Variants in MOB3B observed in about 807,000 individuals in gnomAD.
MOB3B encodes the protein MOB kinase activator 3B.
MOB3B carries 7 observed loss-of-function variants against 18.7 expected under a neutral mutation model. That is an observed-to-expected ratio of 0.37 (90% CI 0.21 to 0.70). The LOEUF (loss-of-function observed/expected upper bound fraction) is 0.70. Among genes scored for constraint, MOB3B ranks in the 30% least tolerant of loss-of-function variants. MOB3B has a pLI of 0.52. For missense variants in MOB3B, 253 were observed against 281.3 expected (o/e 0.90, Z 0.72); for synonymous variants, 111 against 99.9 (o/e 1.11, Z -0.66).
At chr9:27,464,026 T>C (rs775148165) in intron 1 of MOB3B, among the ~76,000 whole-genome samples, 3 of 152,186 alleles carry the variant, frequency 2.0e-5, no homozygotes, top group Non-Finnish European at 4.4e-5. Flanking sequence ...GTAAGGTTAC[T>C]GTGAAAATTA....
chr9:27,403,873 G>A (rs563404137), intron 2 of MOB3B, among the ~76,000 whole-genome samples: 1 of 152,244 alleles, frequency 6.6e-6, no homozygotes, highest in South Asian at 2.1e-4. Flanking sequence ...AATGTGTAAT[G>A]ATCACATAAG....
At chr9:27,479,626 C>G (rs531803791) in intron 1 of MOB3B, among the ~76,000 whole-genome samples, 1 of 152,020 alleles carries the variant, frequency 6.6e-6, no homozygotes, top group Non-Finnish European at 1.5e-5. Flanking sequence ...TTTATAAACA[C>G]CCCTACTCAA....
At chr9:27,422,870 T>C (rs1822275388) in intron 2 of MOB3B, among the ~76,000 whole-genome samples, 1 of 152,240 alleles carries the variant, frequency 6.6e-6, no homozygotes, top group Admixed American at 6.5e-5. Context: ...GTTTTCTATG[T>C]CCTGAATCTA....
Position 27,510,551 on chromosome 9 carries a change from C to T in MOB3B, c.-199+19004G>A, listed in dbSNP as rs180860689. The stretch of plus-strand genomic sequence containing the variant: ...TATATTATAGGTTAGACCAGTTTAA[C>T]AGGTGCCTTGCTGCAAGATATTGTA... On this transcript the variant is annotated intron_variant, in intron 1 of 3. Coordinates refer to ENST00000262244, the MANE Select transcript of MOB3B (RefSeq NM_024761.5). Among the ~76,000 whole-genome samples, 280 of 152,280 alleles carry T rather than the reference C, an allele frequency of 1.8e-3. 1 individual carries two copies. Among genetic ancestry groups the T allele is most frequent in the African/African-American group, 6.5e-3 (272 of 41,540 alleles).
In MOB3B at chr9:27,362,610, C is replaced by T. The variant is rs140592788; in HGVS notation, c.419-3374G>A. Among the ~76,000 whole-genome samples, 731 of 152,156 alleles carry T rather than the reference C, an allele frequency of 4.8e-3. 19 individuals carry two copies. Among genetic ancestry groups the T allele is most frequent in the Non-Finnish European group, 2.0e-3 (137 of 68,010 alleles). On this transcript the variant is annotated intron_variant, in intron 2 of 3. Coordinates refer to ENST00000262244, the MANE Select transcript of MOB3B (RefSeq NM_024761.5). ...ATTCTTCAAAAGCAAAAGCTGCAAA[C>T]GGTTCAAGTTGAGACATGTTCAGCA...
intron 1 of MOB3B, among the ~76,000 whole-genome samples, chr9:27,487,157 T>TAAATAAATAAATA (rs1563880747): frequency 3.4e-5 from 5 of 146,708 alleles, no homozygotes; most frequent in East Asian, 2.0e-4. Flanking sequence ...ATAAATAAAA[T>TAAATAAATAAATA]AAATAAATAA....
At chr9:27,412,387 A>C (rs1379519381) in intron 2 of MOB3B, among the ~76,000 whole-genome samples, 1 of 152,108 alleles carries the variant, frequency 6.6e-6, no homozygotes, top group Non-Finnish European at 1.5e-5. Flanking sequence ...TTTGTGGCAA[A>C]GCCCCCACCT....
intron 3 of MOB3B, among the ~76,000 whole-genome samples, chr9:27,349,752 G>A (rs1821079254): frequency 6.6e-6 from 1 of 152,222 alleles, no homozygotes; most frequent in African/African-American, 2.4e-5. Flanking sequence ...AGGGAGAAAT[G>A]TTGAGCAGAA....
intron 1 of MOB3B, among the ~76,000 whole-genome samples, chr9:27,492,936 C>T (rs2764331): frequency 0.25 from 37,578 of 151,890 alleles, 4,832 homozygotes; most frequent in East Asian, 0.34. Context: ...TTCTAGGGTG[C>T]AAAATGGGGA....
At chr9:27,515,467 C>T (rs921771360) in intron 1 of MOB3B, among the ~76,000 whole-genome samples, 1 of 152,156 alleles carries the variant, frequency 6.6e-6, no homozygotes, top group Non-Finnish European at 1.5e-5. Flanking sequence ...TCCATTTCCT[C>T]CTCTTTAAAC....
At chr9:27,513,288 C>G (rs1820173405) in intron 1 of MOB3B, among the ~76,000 whole-genome samples, 2 of 152,138 alleles carry the variant, frequency 1.3e-5, no homozygotes, top group African/African-American at 4.8e-5. Context: ...CCACCTTAAT[C>G]TAGGTCACCA....
At chr9:27,447,097 G>A (rs1822704256) in intron 2 of MOB3B, among the ~76,000 whole-genome samples, 1 of 152,118 alleles carries the variant, frequency 6.6e-6, no homozygotes, top group Admixed American at 6.5e-5. Flanking sequence ...GTTCGTTGAA[G>A]GAAAAGCTTG....
intron 1 of MOB3B, among the ~76,000 whole-genome samples, chr9:27,503,320 C>T (rs1255158344): frequency 1.3e-5 from 2 of 152,184 alleles, no homozygotes; most frequent in Non-Finnish European, 2.9e-5. Flanking sequence ...AGTTCTTGTC[C>T]TCTCCATCTG....
Position 27,327,954 on chromosome 9 carries a change from G to A in MOB3B, c.*2633C>T, listed in dbSNP as rs1820735094. 1 of 151,960 alleles carries A rather than the reference G, an allele frequency of 6.6e-6. No homozygotes were observed. Among genetic ancestry groups the A allele is most frequent in the South Asian group, 2.1e-4 (1 of 4,808 alleles). The allele number at this position is 151,960 out of a possible 1,614,324, so 9.4% of individuals were successfully genotyped here. A position where few individuals can be genotyped will look rare whatever the true frequency, so the allele number is the denominator to read the frequency against. On this transcript the variant is annotated 3_prime_UTR_variant, in exon 4 of 4. Transcript: ENST00000262244. ...GTGAGAAAGAAAATGTGAGGCAGGT[G>A]CGGTGGTACATGCCATAGTCCTGGC...
chr9:27,408,594 C>G (rs773473320), intron 2 of MOB3B, among the ~76,000 whole-genome samples: 1 of 152,160 alleles, frequency 6.6e-6, no homozygotes, highest in Non-Finnish European at 1.5e-5. Flanking sequence ...GCTGTAGCTA[C>G]AGGACCTACC....
chr9:27,455,082 A>G (rs962818732), intron 2 of MOB3B, 51 bp downstream of exon 2: 7 of 1,602,434 alleles, frequency 4.4e-6, no homozygotes, highest in Non-Finnish European at 6.0e-6. Context: ...AAATTTTCAT[A>G]GTGAAGATTG....
intron 2 of MOB3B, chr9:27,421,592 T>A (rs1392337008): frequency 6.6e-6 from 1 of 152,114 alleles, no homozygotes; most frequent in African/African-American, 2.4e-5. Flanking sequence ...CTGCTGAAAA[T>A]CCTCAACTGG....
At chr9:27,513,664 T>G (rs998895845) in intron 1 of MOB3B, among the ~76,000 whole-genome samples, 3 of 152,208 alleles carry the variant, frequency 2.0e-5, no homozygotes, top group African/African-American at 7.2e-5. Context: ...TCCAGCTTTG[T>G]ACACAGTTGA....
chr9:27,524,534 T>G (rs1820398436), intron 1 of MOB3B: 1 of 1,614,164 alleles, frequency 6.2e-7, no homozygotes, highest in East Asian at 2.2e-5. Context: ...ACATAGCTTT[T>G]GAGTTGCCCC....
Sources: gnomAD v4.1 joint callset for allele counts (sites outside exome capture counted in the v4.1 genomes callset) on GRCh38, gnomAD v4.1.1 for gene constraint, MANE v1.5 for transcripts, NCBI Gene and HGNC (gene_info 2026-07-23, HGNC 2026-07-21) for gene names.